ME2: variants seen among roughly 807,000 people sequenced by gnomAD.
The protein encoded by ME2 is malic enzyme 2, also known as NAD-dependent malic enzyme, mitochondrial.
A neutral mutation model predicts 73.7 loss-of-function variants in ME2; 60 were observed. The observed-to-expected ratio is 0.81, with a 90% CI of 0.66 to 1.01. The LOEUF is 1.01. Among genes scored for constraint, ME2 ranks in the 50% least tolerant of loss-of-function variants. ME2 has a pLI of 0.00. For synonymous variants in ME2, 199 were observed against 236.9 expected, an observed-to-expected ratio of 0.84 and a Z score of 1.47; for missense variants, 594 against 705.5, an observed-to-expected ratio of 0.84 and a Z score of 1.79.
Position 50,951,424 on chromosome 18 carries a change from C to T in ME2, c.*4240C>T, listed in dbSNP as rs987565056. On this transcript the variant is annotated 3_prime_UTR_variant, in exon 16 of 16. Transcript: ENST00000321341. Reference sequence around the variant, plus strand: ...GCTCCCATAGTTTTTTTTCCTCAAGCCCAGTCAGTATCCTTCAAGGATAAC... The same window carrying T: ...GCTCCCATAGTTTTTTTTCCTCAAGTCCAGTCAGTATCCTTCAAGGATAAC... The T allele has an allele frequency of 1.3e-5, 2 of 152,096 alleles. No homozygotes were observed. Among genetic ancestry groups the T allele is most frequent in the African/African-American group, 4.8e-5 (2 of 41,396 alleles). The allele number at this position is 152,096 out of a possible 1,614,324, so 9.4% of individuals were successfully genotyped here. A position where few individuals can be genotyped will look rare whatever the true frequency, so the allele number is the denominator to read the frequency against.
At chr18:50,944,488 A>G (rs1287954157) in intron 15 of ME2, among the ~76,000 whole-genome samples, 1 of 152,120 alleles carries the variant, frequency 6.6e-6, no homozygotes, top group Non-Finnish European at 1.5e-5. Flanking sequence ...CTTTGGCTCT[A>G]TGAGCAGGGC....
At chr18:50,939,480 G>A (rs1599125811) in intron 13 of ME2, 90 bp from the exon 14 acceptor site, 2 of 825,008 alleles carry the variant, frequency 2.4e-6, no homozygotes, top group East Asian at 2.5e-5. Flanking sequence ...CGATGTGGAT[G>A]GATTACCATT....
chr18:50,932,163 C>T, intron 12 of ME2, 95 bp from the exon 13 acceptor site: 2 of 943,602 alleles, frequency 2.1e-6, no homozygotes, highest in Non-Finnish European at 3.4e-6. Context: ...ATATATTGGT[C>T]TATTTTACTT....
rs1918173546 is a variant in ME2 at position 50,949,569 on chromosome 18, T to A, written c.*2385T>A. 6.6e-6 allele frequency: 1 copy of A among 152,202 alleles called. No homozygotes were observed. The highest frequency in any genetic ancestry group is 2.1e-4 in the South Asian group (1 of 4,832). 9.4% of individuals were successfully genotyped at this position (152,202 alleles called of 1,614,324 possible). A position where few individuals can be genotyped will look rare whatever the true frequency, so the allele number is the denominator to read the frequency against. ...GCCTAAACATACTCTCTGTGTGAAA[T>A]CTTGATTTTAGTTCAACCTAAGAAA... is the stretch of plus-strand genomic sequence containing the variant. On this transcript the variant is annotated 3_prime_UTR_variant, in exon 16 of 16. Transcript: ENST00000321341.
At chr18:50,924,808 A>G (rs1389529812) in intron 11 of ME2, among the ~76,000 whole-genome samples, 1 of 151,674 alleles carries the variant, frequency 6.6e-6, no homozygotes, top group Admixed American at 6.6e-5. Flanking sequence ...CAGCCTCCCA[A>G]GTAGCTGGGA....
At chr18:50,920,250 A>G (rs572878522) in intron 7 of ME2, among the ~76,000 whole-genome samples, 52 of 152,302 alleles carry the variant, frequency 3.4e-4, no homozygotes, top group East Asian at 1.9e-4. Flanking sequence ...ATTGTGCCAC[A>G]TTCTTTTTAA....
intron 3 of ME2, 76 bp from the exon 4 acceptor site, chr18:50,912,725 G>T: frequency 8.3e-7 from 1 of 1,199,698 alleles, no homozygotes; most frequent in Non-Finnish European, 1.1e-6. Flanking sequence ...TAGACATTTA[G>T]GTTTAACTTT....
At chr18:50,880,729 T>G (rs968113884) in intron 1 of ME2, among the ~76,000 whole-genome samples, 2 of 152,212 alleles carry the variant, frequency 1.3e-5, no homozygotes, top group Admixed American at 1.3e-4. Flanking sequence ...CTAATATGAC[T>G]TTTATCATGC....
intron 1 of ME2, among the ~76,000 whole-genome samples, chr18:50,879,742 A>G (rs1328428835): frequency 1.3e-5 from 2 of 152,236 alleles, no homozygotes; most frequent in Non-Finnish European, 2.9e-5. Context: ...AGTTAACGGC[A>G]GGAGTTAGGC....
chr18:50,913,699 G>A (rs1445528214), intron 4 of ME2, among the ~76,000 whole-genome samples: 1 of 151,950 alleles, frequency 6.6e-6, no homozygotes, highest in African/African-American at 2.4e-5. Context: ...TTATAAGTGG[G>A]AAGAGTACTG....
chr18:50,883,280 T>C lies in ME2; in HGVS notation c.-13+3972T>C, dbSNP rs566458512. On this transcript the variant is annotated intron_variant, in intron 1 of 15. Coordinates refer to ENST00000321341, the MANE Select transcript of ME2 (RefSeq NM_002396.5). ...ACAGCAAAGCCTGTGCTTGTTGCCC[T>C]GTCATGAGCTCTTTCTAGTGAACAG... 2.6e-5 allele frequency among the ~76,000 whole-genome samples: 4 copies of C among 152,338 alleles called. No homozygotes were observed. In the South Asian group the frequency reaches 8.3e-4, roughly 32 times the overall value.
chr18:50,901,225 A>G (rs1255679328), intron 2 of ME2, among the ~76,000 whole-genome samples: 1 of 152,230 alleles, frequency 6.6e-6, no homozygotes, highest in Non-Finnish European at 1.5e-5. Context: ...AAGGGAATGC[A>G]TTTTATCTCC....
chr18:50,943,419 C>T (rs1918009204), intron 15 of ME2, among the ~76,000 whole-genome samples: 1 of 152,110 alleles, frequency 6.6e-6, no homozygotes, highest in Admixed American at 6.6e-5. Flanking sequence ...CCCACCTCAG[C>T]CTCCCGAGTA....
intron 4 of ME2, 90 bp downstream of exon 4, chr18:50,913,040 T>G (rs1241188800): frequency 2.2e-5 from 27 of 1,207,728 alleles, no homozygotes; most frequent in Non-Finnish European, 2.7e-5. Flanking sequence ...ATTTTATGTT[T>G]GTTAGCCAAA....
chr18:50,913,678 A>G (rs1383244559), intron 4 of ME2, among the ~76,000 whole-genome samples: 1 of 151,852 alleles, frequency 6.6e-6, no homozygotes, highest in Non-Finnish European at 1.5e-5. Context: ...TAGTTGTAGC[A>G]CCTACAAACA....
intron 2 of ME2, among the ~76,000 whole-genome samples, chr18:50,906,553 T>C (rs1284477279): frequency 6.6e-6 from 1 of 152,164 alleles, no homozygotes; most frequent in Non-Finnish European, 1.5e-5. Flanking sequence ...CCTCAGGTGA[T>C]CCGCCCACCT....
intron 5 of ME2, chr18:50,917,125 C>T (rs371413475): frequency 4.0e-5 from 15 of 378,442 alleles, no homozygotes; most frequent in East Asian, 1.3e-4. Context: ...ATTCCTAAAC[C>T]GAAGTCAGAG....
chr18:50,890,331 C>G (rs1040487746), intron 1 of ME2, among the ~76,000 whole-genome samples: 2 of 152,100 alleles, frequency 1.3e-5, no homozygotes, highest in Non-Finnish European at 2.9e-5. Context: ...CCAGGCTAGT[C>G]TCGAACTCCT....
At chr18:50,927,464 G>A (rs535972734) in intron 12 of ME2, among the ~76,000 whole-genome samples, 110 of 151,924 alleles carry the variant, frequency 7.2e-4, no homozygotes, top group Non-Finnish European at 1.0e-3. Context: ...ACTTTGGGAG[G>A]CTGAGGTGGG....
Sources: gnomAD v4.1 joint callset for allele counts (sites outside exome capture counted in the v4.1 genomes callset) on GRCh38, gnomAD v4.1.1 for gene constraint, MANE v1.5 for transcripts, NCBI Gene and HGNC (gene_info 2026-07-23, HGNC 2026-07-21) for gene names.